Variants in SLC41A2 observed in about 807,000 individuals in gnomAD.
SLC41A2 encodes the protein solute carrier family 41 member 2, also known as SLC41A1-like 1.
SLC41A2 carries 32 observed loss-of-function variants against 58.3 expected under a neutral mutation model. That is an observed-to-expected ratio of 0.55 (90% CI 0.41 to 0.74). SLC41A2 has a LOEUF of 0.74. SLC41A2 is among the 30% of genes least tolerant of loss of function. SLC41A2 has a pLI of 0.00. For missense variants in SLC41A2, 514 were observed against 680.6 expected, an observed-to-expected ratio of 0.76 and a Z score of 2.72; for synonymous variants, 190 against 235.0, an observed-to-expected ratio of 0.81 and a Z score of 1.75.
chr12:104,892,283 A>G (rs1248020977), intron 4 of SLC41A2, among the ~76,000 whole-genome samples: 2 of 149,392 alleles, frequency 1.3e-5, no homozygotes, highest in Non-Finnish European at 2.9e-5. Flanking sequence ...GCAACAGAAC[A>G]AGACCTCATC....
Position 104,918,807 on chromosome 12 carries a change from G to T in SLC41A2, c.556-9045C>A, listed in dbSNP as rs59393218. Among the ~76,000 whole-genome samples the T allele has an allele frequency of 5.9e-3, 894 of 152,054 alleles. 17 individuals carry two copies. Among genetic ancestry groups the T allele is most frequent in the African/African-American group, 0.02 (842 of 41,502 alleles). On this transcript the variant is annotated intron_variant, in intron 2 of 10. Transcript: ENST00000258538. The stretch of plus-strand genomic sequence containing the variant: ...TTAAACTTTTTATTTTGAAGTAATT[G>T]TAGATTCACATGCAGTTATAAAAAA...
chr12:104,946,449 A>T (rs111834269), intron 1 of SLC41A2, among the ~76,000 whole-genome samples: 32 of 151,922 alleles, frequency 2.1e-4, no homozygotes, highest in African/African-American at 6.8e-4. Flanking sequence ...ATTTTTAAAA[A>T]TTTTTTTGTG....
chr12:104,846,068 G>A, intron 8 of SLC41A2, 94 bp from the exon 9 acceptor site: 1 of 1,283,986 alleles, frequency 7.8e-7, no homozygotes, highest in Non-Finnish European at 1.1e-6. Flanking sequence ...TAACATTCTG[G>A]GCCAATAAAA....
intron 1 of SLC41A2, among the ~76,000 whole-genome samples, chr12:104,939,298 A>G (rs894100699): frequency 6.6e-6 from 1 of 152,220 alleles, no homozygotes; most frequent in South Asian, 2.1e-4. Context: ...CCTGGACTCA[A>G]GTGATCCTTG....
chr12:104,824,293 G>A (rs1038704918), intron 10 of SLC41A2, among the ~76,000 whole-genome samples: 3 of 151,238 alleles, frequency 2.0e-5, no homozygotes, highest in Non-Finnish European at 4.4e-5. Context: ...GCTGGACATC[G>A]AGAGGAGCAC....
chr12:104,802,646 T>C lies in SLC41A2; in HGVS notation c.*2506A>G, dbSNP rs1423879343. ...ATGATAGATTTTACAAATTAAGGCA[T>C]TGTTCTTTATTTCAAAATTTTCATT... is the stretch of plus-strand genomic sequence containing the variant. On this transcript the variant is annotated 3_prime_UTR_variant, in exon 11 of 11. Transcript: ENST00000258538. 2.0e-5 allele frequency: 3 copies of C among 152,134 alleles called. No homozygotes were observed. The highest frequency in any genetic ancestry group is 7.2e-5 in the African/African-American group (3 of 41,442). The allele number at this position is 152,134 out of a possible 1,614,324, so 9.4% of individuals were successfully genotyped here. A position where few individuals can be genotyped will look rare whatever the true frequency, so the allele number is the denominator to read the frequency against.
chr12:104,911,525 G>A (rs2046086061), intron 2 of SLC41A2, among the ~76,000 whole-genome samples: 1 of 152,136 alleles, frequency 6.6e-6, no homozygotes, highest in African/African-American at 2.4e-5. Flanking sequence ...GATATTTTAT[G>A]AGCTAGGCAT....
In SLC41A2 at chr12:104,867,435, C is replaced by T. The variant is rs981255049; in HGVS notation, c.1028-856G>A. 4.3e-4 allele frequency among the ~76,000 whole-genome samples: 66 copies of T among 151,988 alleles called. 1 individual carries two copies. The highest frequency in any genetic ancestry group is 1.3e-4 in the Admixed American group (2 of 15,260). ...CAGAGTTTGCCTCGCAGTCCTATAG[C>T]CTACAGCCTTAGATTACTTAATCTA... On this transcript the variant is annotated intron_variant, in intron 6 of 10. Coordinates refer to ENST00000258538, the MANE Select transcript of SLC41A2 (RefSeq NM_001352171.3).
chr12:104,831,095 G>C (rs75158201), intron 10 of SLC41A2, among the ~76,000 whole-genome samples: 1,933 of 152,074 alleles, frequency 0.013, 52 homozygotes, highest in African/African-American at 0.044. Flanking sequence ...TTAAGAGATG[G>C]GGTATCACTA....
At chr12:104,892,273 G>A (rs142675291) in intron 4 of SLC41A2, among the ~76,000 whole-genome samples, 42 of 143,166 alleles carry the variant, frequency 2.9e-4, no homozygotes, top group African/African-American at 8.5e-4. Context: ...GGTAGCCTGG[G>A]CAACAGAACA....
chr12:104,835,971 A>C (rs981036968), intron 10 of SLC41A2, among the ~76,000 whole-genome samples: 1 of 152,214 alleles, frequency 6.6e-6, no homozygotes, highest in Admixed American at 6.5e-5. Context: ...CAGCCTCCAC[A>C]GTAGCTGAGA....
rs2136167607 is a variant in SLC41A2 at position 104,802,230 on chromosome 12, TATAA to T, written c.*2918_*2921del. ...AATGTTTCTAAAAGTGTTATCTGTG[TATAA>T]ATAAAGTGGCTGATAAATTAGTGAA... On this transcript the variant is annotated 3_prime_UTR_variant, in exon 11 of 11. Coordinates refer to ENST00000258538, the MANE Select transcript of SLC41A2 (RefSeq NM_001352171.3). Among the ~76,000 whole-genome samples the T allele has an allele frequency of 6.6e-6, 1 of 152,332 alleles. No homozygotes were observed. Among genetic ancestry groups the T allele is most frequent in the African/African-American group, 2.4e-5 (1 of 41,592 alleles).
rs79211604 is a variant in SLC41A2, at chr12:104,887,415, T to C, written c.881-976A>G. Among the ~76,000 whole-genome samples, 42 of 152,056 alleles carry C rather than the reference T, an allele frequency of 2.8e-4. No homozygotes were observed. The East Asian group carries it at 6.8e-3, about 24-fold the overall frequency. On this transcript the variant is annotated intron_variant, in intron 5 of 10. Coordinates refer to ENST00000258538, the MANE Select transcript of SLC41A2 (RefSeq NM_001352171.3). ...CTTGTGACTCTAGCCCAGTGTTTTT[T>C]ACTCTACCTATTAAAGCCAAAATTT...
intron 10 of SLC41A2, among the ~76,000 whole-genome samples, chr12:104,806,468 T>C (rs2040907620): frequency 6.6e-6 from 1 of 152,236 alleles, no homozygotes; most frequent in Non-Finnish European, 1.5e-5. Flanking sequence ...CTATCATTGT[T>C]GGACATTTGG....
chr12:104,924,753 AAAAG>A (rs1398143684), intron 2 of SLC41A2, among the ~76,000 whole-genome samples: 1 of 152,094 alleles, frequency 6.6e-6, no homozygotes, highest in Non-Finnish European at 1.5e-5. Context: ...TCAAAAAAAA[AAAAG>A]AGTCTGGAAG....
chr12:104,932,461 C>CA lies in SLC41A2; in HGVS notation c.-167-3768dup, dbSNP rs558614792. On this transcript the variant is annotated intron_variant, in intron 1 of 10. Transcript: ENST00000258538. ...GCAACATGGCGAAACCTTGTCTCTA[C>CA]AAAAAATGCAAAAATTAGCTGGGCA... 1.2e-4 allele frequency among the ~76,000 whole-genome samples: 18 copies of CA among 151,656 alleles called. No homozygotes were observed. In the East Asian group the frequency reaches 3.1e-3, roughly 26 times the overall value.
At chr12:104,805,377 A>T in intron 10 of SLC41A2, 40 bp from the exon 11 acceptor site, 1 of 1,550,158 alleles carries the variant, frequency 6.5e-7, no homozygotes. Flanking sequence ...CTGCCTGGAC[A>T]TTCCTAGCCC....
intron 1 of SLC41A2, among the ~76,000 whole-genome samples, chr12:104,932,096 A>C (rs2047076040): frequency 6.6e-6 from 1 of 152,194 alleles, no homozygotes; most frequent in Non-Finnish European, 1.5e-5. Flanking sequence ...TTAAAATTTT[A>C]TCCTTCTTTT....
chr12:104,843,768 C>T (rs2042504162), intron 10 of SLC41A2, among the ~76,000 whole-genome samples: 1 of 152,142 alleles, frequency 6.6e-6, no homozygotes, highest in South Asian at 2.1e-4. Context: ...ATGTATCCCA[C>T]TTTGAAAATC....
Sources: allele counts gnomAD v4.1 joint callset (sites outside exome capture counted in the v4.1 genomes callset), GRCh38; gene constraint gnomAD v4.1.1; transcripts MANE v1.5; gene names NCBI Gene and HGNC (gene_info 2026-07-23, HGNC 2026-07-21).